The following AHRR variants were observed in gnomAD, a reference collection of about 807,000 sequenced individuals.
AHRR encodes ahR repressor.
A neutral mutation model predicts 44.0 loss-of-function variants in AHRR; 28 were observed. The observed-to-expected ratio is 0.64, with a 90% CI of 0.47 to 0.87. The LOEUF is 0.87. Among genes scored for constraint, AHRR ranks in the 40% least tolerant of loss-of-function variants. The pLI is 0.00. For synonymous variants in AHRR, 434 were observed against 407.0 expected (o/e 1.07, Z -0.80); for missense variants, 990 against 953.9 (o/e 1.04, Z -0.50).
Position 343,958 on chromosome 5 carries a change from A to G in AHRR, c.56A>G (p.Gln19Arg), listed in dbSNP as rs774367879. Residue 19 changes from glutamine (Q) to arginine (R), a missense_variant, in exon 2 of 11, where the codon CAG becomes CGG. Coordinates refer to ENST00000684583, the MANE Select transcript of AHRR (RefSeq NM_001377236.1). ...YAGRKRRRPL[Q>R]KQRPAVGAEK... The stretch of plus-strand genomic sequence containing the variant: ...GGCCGGAAGCGGAGGAGGCCCCTGC[A>G]GAAACAGTAAAGTATCCCGCCTTCT... 13 of 1,598,962 alleles carry G rather than the reference A, an allele frequency of 8.1e-6. No individual in the cohort carries two copies. The highest frequency in any genetic ancestry group is 1.4e-5 in the African/African-American group (1 of 72,424).
intron 5 of AHRR, chr5:421,379 C>T (rs1043664279): frequency 4.9e-6 from 3 of 615,134 alleles, no homozygotes; most frequent in Admixed American, 2.6e-5. Flanking sequence ...GCGCACAGTA[C>T]CAGCCCCCAC....
At chr5:328,541 G>T (rs953287298) in intron 1 of AHRR, among the ~76,000 whole-genome samples, 4 of 152,084 alleles carry the variant, frequency 2.6e-5, no homozygotes, top group African/African-American at 9.7e-5. Flanking sequence ...ATGAGCCACT[G>T]CACCTGGCCG....
chr5:349,183 G>C (rs62331562), intron 2 of AHRR, among the ~76,000 whole-genome samples: 6,161 of 152,306 alleles, frequency 0.04, 176 homozygotes, highest in Middle Eastern at 0.061. Flanking sequence ...AGTTGTAAGA[G>C]TTCTTTACAT....
At chr5:329,431 C>G (rs1741838542) in intron 1 of AHRR, among the ~76,000 whole-genome samples, 1 of 152,210 alleles carries the variant, frequency 6.6e-6, no homozygotes. Flanking sequence ...GTCTCAAACT[C>G]CTGGCCTCAA....
In AHRR at chr5:419,686, G is replaced by A. The variant is rs1735981745; in HGVS notation, c.442-3043G>A. On this transcript the variant is annotated intron_variant, in intron 5 of 10. Coordinates refer to ENST00000684583, the MANE Select transcript of AHRR (RefSeq NM_001377236.1). This position sits in a 1 kb window ranked among gnomAD's most constrained non-coding sequence, Gnocchi z 4.4. ...CCCTCCATGGTGCCCGGCTCTTACT[G>A]CACAGGGACCAACAGGCCGGCCCAT... Among the ~76,000 whole-genome samples, 1 of 152,104 alleles carries A rather than the reference G, an allele frequency of 6.6e-6. No individual in the cohort carries two copies. Among genetic ancestry groups the A allele is most frequent in the Non-Finnish European group, 1.5e-5 (1 of 68,024 alleles).
rs529935640 is a variant in AHRR at position 370,105 on chromosome 5, C to T, written c.245-6505C>T. 2.0e-5 allele frequency among the ~76,000 whole-genome samples: 3 copies of T among 150,338 alleles called. No homozygotes were observed. The highest frequency in any genetic ancestry group is 4.2e-4 in the South Asian group (2 of 4,798). ...GCTGGAAGCCCCGTCCTCCCGGGCC[C>T]TCGCTGGAAGCCCCGTCCTCCCGGG... On this transcript the variant is annotated intron_variant, in intron 3 of 10. Transcript: ENST00000684583. The surrounding 1 kb of genome is among the most constrained non-coding windows in gnomAD (Gnocchi z 4.5).
chr5:362,397 C>T (rs755101068), intron 3 of AHRR, among the ~76,000 whole-genome samples: 2 of 152,232 alleles, frequency 1.3e-5, no homozygotes, highest in African/African-American at 2.4e-5. Context: ...GTCTGGGACT[C>T]GATTTTTCTC....
At chr5:378,442 A>T (rs1733838058) in intron 4 of AHRR, among the ~76,000 whole-genome samples, 1 of 152,164 alleles carries the variant, frequency 6.6e-6, no homozygotes, top group South Asian at 2.1e-4. Flanking sequence ...AAGATGCTCC[A>T]CACGTTCAGA....
At chr5:354,145 G>T (rs1742961428) in intron 3 of AHRR, among the ~76,000 whole-genome samples, 1 of 152,250 alleles carries the variant, frequency 6.6e-6, no homozygotes, top group East Asian at 1.9e-4. Context: ...ACACTCTCAG[G>T]GTGGGGGCCT....
intron 4 of AHRR, among the ~76,000 whole-genome samples, chr5:391,422 CGGGG>C (rs1560904318): frequency 1.2e-5 from 1 of 83,056 alleles, no homozygotes; most frequent in East Asian, 4.1e-4. Context: ...AGAGCGTGCA[CGGGG>C]GCAGGGCGAG....
At chr5:398,753 G>C (rs1027069050) in intron 4 of AHRR, among the ~76,000 whole-genome samples, 2 of 152,218 alleles carry the variant, frequency 1.3e-5, no homozygotes, top group Admixed American at 1.3e-4. Context: ...CTGTGAGAAG[G>C]GCTGGGCTGG....
chr5:434,593 G>T lies in AHRR; in HGVS notation c.1853G>T (p.Cys618Phe), dbSNP rs377628558. ...LTPFHPAHCACLEPTDGLPQS... is the reference protein window; with the variant it reads ...LTPFHPAHCAFLEPTDGLPQS... ...CCTTTCCACCCTGCACACTGTGCCT[G>T]CCTGGAGCCCACAGACGGCCTTCCC... Residue 618 changes from cysteine (C) to phenylalanine (F), a missense_variant, in exon 11 of 11, where the codon TGC (cysteine) becomes TTC (phenylalanine). By Grantham distance (205) the Cys-to-Phe change is radical. Coordinates refer to ENST00000684583, the MANE Select transcript of AHRR (RefSeq NM_001377236.1). 13 of 1,572,150 alleles carry T rather than the reference G, an allele frequency of 8.3e-6. No individual in the cohort carries two copies. Among genetic ancestry groups the T allele is most frequent in the Non-Finnish European group, 1.1e-5 (13 of 1,159,210 alleles).
intron 4 of AHRR, among the ~76,000 whole-genome samples, chr5:400,124 C>A (rs80318212): frequency 0.011 from 1,621 of 152,274 alleles, 18 homozygotes; most frequent in Non-Finnish European, 0.016. Context: ...GCACAATACT[C>A]CCAACTTCCC....
chr5:420,402 C>T (rs72711369), intron 5 of AHRR, among the ~76,000 whole-genome samples: 35,224 of 152,174 alleles, frequency 0.23, 5,351 homozygotes, highest in Non-Finnish European at 0.34. Context: ...GCGGACTCCC[C>T]GAGCAAAGGA....
At chr5:330,842 T>G (rs1398661384) in intron 1 of AHRR, among the ~76,000 whole-genome samples, 4 of 151,928 alleles carry the variant, frequency 2.6e-5, no homozygotes, top group Admixed American at 2.0e-4. Context: ...TCTTAGTTCT[T>G]TTTTTGCATG....
At chr5:369,648 G>A (rs1036919051) in intron 3 of AHRR, among the ~76,000 whole-genome samples, 10 of 152,240 alleles carry the variant, frequency 6.6e-5, no homozygotes, top group Non-Finnish European at 1.2e-4. Context: ...CTGGCACAGA[G>A]TGTCTGTCCC....
chr5:434,552 C>G lies in AHRR; in HGVS notation c.1812C>G (p.Arg604=), dbSNP rs1305617926. ...CCCATGGGAGGGCCACTGCTGGGCGCAGCAGGGAGCTGACCCCTTTCCACC... is the reference window on the plus strand; with the variant it reads ...CCCATGGGAGGGCCACTGCTGGGCGGAGCAGGGAGCTGACCCCTTTCCACC... ...AQPHGRATAG[R]SRELTPFHPA... Residue 604 remains arginine (R), a synonymous_variant, in exon 11 of 11, where the codon CGC becomes CGG. Coordinates refer to ENST00000684583, the MANE Select transcript of AHRR (RefSeq NM_001377236.1). 7 of 1,602,454 alleles carry G rather than the reference C, an allele frequency of 4.4e-6. No individual in the cohort carries two copies.
At position 326,504 on chromosome 5, in the gene AHRR, G is replaced by T. The variant is rs983003690; in HGVS notation, c.-11+4685G>T. Among the ~76,000 whole-genome samples the T allele has an allele frequency of 6.6e-6, 1 of 152,162 alleles. No individual in the cohort carries two copies. Among genetic ancestry groups the T allele is most frequent in the African/African-American group, 2.4e-5 (1 of 41,438 alleles). Reference sequence around the variant, plus strand: ...TGATCCCTCAGCTGATGGACATTTAGGTTGTTTACATTTTTTGGCTACTGT... The same window carrying T: ...TGATCCCTCAGCTGATGGACATTTATGTTGTTTACATTTTTTGGCTACTGT... On this transcript the variant is annotated intron_variant, in intron 1 of 10. Coordinates refer to ENST00000684583, the MANE Select transcript of AHRR (RefSeq NM_001377236.1). The surrounding 1 kb of genome is among the most constrained non-coding windows in gnomAD (Gnocchi z 4.1).
rs758046842 is a variant in AHRR at position 419,568 on chromosome 5, G to A, written c.442-3161G>A. ...TGCCTCTGGATGCTGGTTCCTCTGC[G>A]TTTCACTTCTAAAAAACTGGCCCTA... On this transcript the variant is annotated intron_variant, in intron 5 of 10. Transcript: ENST00000684583. This position sits in a 1 kb window ranked among gnomAD's most constrained non-coding sequence, Gnocchi z 4.4. 3.9e-5 allele frequency among the ~76,000 whole-genome samples: 6 copies of A among 152,218 alleles called. No homozygotes were observed. In the East Asian group the frequency reaches 5.8e-4, roughly 15 times the overall value.
Sources: gnomAD v4.1 joint callset for allele counts (sites outside exome capture counted in the v4.1 genomes callset) on GRCh38, gnomAD v4.1.1 for gene constraint, Gnocchi (gnomAD v3.1) non-coding constraint, MANE v1.5 for transcripts, NCBI Gene and HGNC (gene_info 2026-07-23, HGNC 2026-07-21) for gene names.